DPP4: variants seen among roughly 807,000 people sequenced by gnomAD.
The protein encoded by DPP4 is ADCP-2.
In DPP4, 93 loss-of-function variants were observed where a neutral mutation model predicts 122.4. That is an observed-to-expected ratio of 0.76 (90% CI 0.64 to 0.90). The LOEUF (loss-of-function observed/expected upper bound fraction) is 0.90, where lower values mean the gene tolerates loss of function less well. Ranked by LOEUF, DPP4 falls within the 40% of genes least tolerant of loss-of-function variation. DPP4 has a pLI of 0.00. For missense variants in DPP4, 914 were observed against 907.3 expected (o/e 1.01, Z -0.09); for synonymous variants, 321 against 302.9 (o/e 1.06, Z -0.62).
At chr2:162,005,660 T>C (rs1236371318) in intron 23 of DPP4, 85 bp downstream of exon 23, 5 of 1,202,402 alleles carry the variant, frequency 4.2e-6, no homozygotes, top group Non-Finnish European at 5.9e-6. Context: ...TAAAAATATG[T>C]ATTTTCTAGA....
chr2:162,008,805 C>T (rs1701348186), intron 21 of DPP4, 144 bp from the exon 22 acceptor site: 2 of 678,186 alleles, frequency 2.9e-6, no homozygotes, highest in Non-Finnish European at 2.5e-6. Context: ...TTAAATTGGC[C>T]TTAATTGGAC....
chr2:162,011,270 T>C (rs1682699124), intron 20 of DPP4, among the ~76,000 whole-genome samples: 1 of 152,114 alleles, frequency 6.6e-6, no homozygotes, highest in African/African-American at 2.4e-5. Context: ...AGAGCCCTTA[T>C]ACATAGTACC....
Position 162,024,803 on chromosome 2 carries a change from C to T in DPP4, c.1023+1G>A, listed in dbSNP as rs911150902. On this transcript the variant is annotated splice_donor_variant, in intron 11 of 25. Coordinates refer to ENST00000360534, the MANE Select transcript of DPP4 (RefSeq NM_001935.4). LOFTEE classifies it high-confidence loss of function. ...AGCAGAACATCCCCATTCAGTCTCA[C>T]CACTAAGCAGTTCCATCTTCCACTG... 1 of 1,613,196 alleles carries T rather than the reference C, an allele frequency of 6.2e-7. No individual in the cohort carries two copies. Among genetic ancestry groups the T allele is most frequent in the Non-Finnish European group, 8.5e-7 (1 of 1,179,898 alleles).
intron 5 of DPP4, among the ~76,000 whole-genome samples, chr2:162,043,379 T>C (rs988436360): frequency 7.9e-5 from 12 of 152,164 alleles, no homozygotes; most frequent in African/African-American, 2.4e-4. Flanking sequence ...GGCATAGGTG[T>C]GGCATAAACT....
intron 19 of DPP4, among the ~76,000 whole-genome samples, chr2:162,012,317 T>A: frequency 6.6e-6 from 1 of 151,914 alleles, no homozygotes; most frequent in East Asian, 1.9e-4. Context: ...AGTTGTGGTA[T>A]AAAAAAAATG....
At position 162,046,959 on chromosome 2, in the gene DPP4, C is replaced by T. The variant is rs1166963733; in HGVS notation, c.241G>A (p.Ala81Thr). The part of the protein sequence containing the change: ...KQENNILVFN[A>T]EYGNSSVFLE... ...AAAACTGAGCTGTTTCCATATTCAG[C>T]ATTGAATACCAAGATATTATTTTCT... is the stretch of plus-strand genomic sequence containing the variant. The change falls in exon 4 of 26, where the codon GCT (alanine) becomes ACT (threonine). Residue 81 changes from alanine to threonine, a missense_variant. Ala to Thr is a moderately conservative substitution (Grantham distance 58). Coordinates refer to ENST00000360534, the MANE Select transcript of DPP4 (RefSeq NM_001935.4). 11 of 1,597,610 alleles carry T rather than the reference C, an allele frequency of 6.9e-6. No individual in the cohort carries two copies. Among genetic ancestry groups the T allele is most frequent in the Non-Finnish European group, 9.4e-6 (11 of 1,165,360 alleles).
intron 10 of DPP4, 110 bp from the exon 11 acceptor site, chr2:162,025,049 G>A: frequency 1.7e-6 from 2 of 1,207,434 alleles, no homozygotes; most frequent in Middle Eastern, 2.0e-4. Flanking sequence ...ATCTTAATGG[G>A]AAGTAGAATT....
In DPP4 at chr2:162,008,769, G is replaced by C. The variant is rs1701347522; in HGVS notation, c.1888-108C>G. The C allele has an allele frequency of 6.2e-6, 6 of 963,826 alleles. No individual in the cohort carries two copies. The East Asian group carries it at 1.2e-4, about 20-fold the overall frequency. 59.7% of individuals were successfully genotyped at this position (963,826 alleles called of 1,614,324 possible). On this transcript the variant is annotated intron_variant, in intron 21 of 25. Coordinates refer to ENST00000360534, the MANE Select transcript of DPP4 (RefSeq NM_001935.4). The stretch of plus-strand genomic sequence containing the variant: ...CATCTTTATATACTGTGCCTCTTTA[G>C]AGATAAAAAGCATGGTATAGGAGGC...
At chr2:162,051,690 G>C (rs973810076) in intron 2 of DPP4, among the ~76,000 whole-genome samples, 2 of 152,162 alleles carry the variant, frequency 1.3e-5, no homozygotes, top group African/African-American at 4.8e-5. Context: ...TTGACACAGG[G>C]GTGGTGGAGG....
chr2:162,046,688 C>T (rs1470341969), intron 4 of DPP4: 2 of 598,402 alleles, frequency 3.3e-6, no homozygotes, highest in Non-Finnish European at 6.3e-6. Flanking sequence ...GATGGAGCCC[C>T]AAGGAGCACT....
intron 13 of DPP4, 32 bp from the exon 14 acceptor site, chr2:162,020,328 A>C (rs200302424): frequency 2.6e-5 from 38 of 1,480,934 alleles, no homozygotes; most frequent in Non-Finnish European, 3.2e-5. Flanking sequence ...CAAAAAAAAA[A>C]AAAAGATTGA....
intron 16 of DPP4, among the ~76,000 whole-genome samples, chr2:162,018,335 GTAAT>G (rs1288430407): frequency 2.0e-5 from 3 of 152,162 alleles, no homozygotes; most frequent in African/African-American, 7.2e-5. Flanking sequence ...TTCTTCATTT[GTAAT>G]TAATAATAGC....
At chr2:162,064,442 T>C (rs1684886674) in intron 2 of DPP4, among the ~76,000 whole-genome samples, 2 of 152,236 alleles carry the variant, frequency 1.3e-5, no homozygotes, top group Admixed American at 6.5e-5. Context: ...CTGGACCTTG[T>C]GAGGTTATTT....
intron 2 of DPP4, among the ~76,000 whole-genome samples, chr2:162,053,278 T>C (rs914966963): frequency 6.6e-6 from 1 of 152,210 alleles, no homozygotes; most frequent in Non-Finnish European, 1.5e-5. Flanking sequence ...TGAAGGCATT[T>C]TGGAGATTAT....
intron 2 of DPP4, among the ~76,000 whole-genome samples, chr2:162,059,966 A>G (rs1455208395): frequency 6.6e-6 from 1 of 152,238 alleles, no homozygotes; most frequent in African/African-American, 2.4e-5. Flanking sequence ...TATTCTTCTT[A>G]TGCTCATTCC....
intron 2 of DPP4, among the ~76,000 whole-genome samples, chr2:162,057,926 C>T (rs1057001456): frequency 2.0e-5 from 3 of 152,284 alleles, no homozygotes; most frequent in Admixed American, 6.5e-5. Flanking sequence ...GCATGTGCCA[C>T]CACACCCAGC....
intron 2 of DPP4, among the ~76,000 whole-genome samples, chr2:162,061,316 C>A (rs183703413): frequency 1.3e-4 from 20 of 152,294 alleles, no homozygotes; most frequent in African/African-American, 4.8e-4. Context: ...CCCAAGCCAT[C>A]TGGACAAACT....
chr2:162,070,796 T>G (rs1685088609), intron 2 of DPP4, among the ~76,000 whole-genome samples: 1 of 152,210 alleles, frequency 6.6e-6, no homozygotes, highest in East Asian at 1.9e-4. Flanking sequence ...AAGGCAGAAG[T>G]GTTAACAAGA....
intron 25 of DPP4, among the ~76,000 whole-genome samples, chr2:161,993,695 A>G (rs1246697605): frequency 6.6e-6 from 1 of 152,160 alleles, no homozygotes; most frequent in Non-Finnish European, 1.5e-5. Flanking sequence ...TAAAACACCC[A>G]ATCCATTTCC....
Sources: gnomAD v4.1 joint callset for allele counts (sites outside exome capture counted in the v4.1 genomes callset) on GRCh38, gnomAD v4.1.1 for gene constraint, MANE v1.5 for transcripts, NCBI Gene and HGNC (gene_info 2026-07-23, HGNC 2026-07-21) for gene names.